The following PKNOX2 variants were observed in gnomAD, a reference collection of about 807,000 sequenced individuals.
PKNOX2 encodes the protein PBX/knotted 1 homeobox 2, also known as homeobox protein PKNOX2.
In PKNOX2, 14 loss-of-function variants were observed where a neutral mutation model predicts 53.1. The ratio of observed to expected loss-of-function variants is 0.26; its 90% CI spans 0.17 to 0.41. PKNOX2 has a LOEUF of 0.41. Ranked by LOEUF, PKNOX2 falls within the 10% of genes least tolerant of loss-of-function variation. The pLI, the probability that PKNOX2 is intolerant of heterozygous loss-of-function variation, is 1.00. For synonymous variants in PKNOX2, 257 were observed against 242.8 expected, an observed-to-expected ratio of 1.06 and a Z score of -0.54; for missense variants, 496 against 602.8, an observed-to-expected ratio of 0.82 and a Z score of 1.85.
At chr11:125,411,366 T>C in intron 9 of PKNOX2, 1 of 371,266 alleles carries the variant, frequency 2.7e-6, no homozygotes, top group Non-Finnish European at 5.2e-6. Flanking sequence ...CTTTGCAAAC[T>C]GTAAAGTACC....
chr11:125,360,535 C>T (rs1449691075), intron 4 of PKNOX2, among the ~76,000 whole-genome samples: 1 of 152,212 alleles, frequency 6.6e-6, no homozygotes, highest in Non-Finnish European at 1.5e-5. Context: ...GCATGCCACT[C>T]AATTCCAAGC....
chr11:125,382,083 G>A (rs1360922967), intron 5 of PKNOX2, among the ~76,000 whole-genome samples: 1 of 152,194 alleles, frequency 6.6e-6, no homozygotes, highest in Non-Finnish European at 1.5e-5. Context: ...TGTGTACACA[G>A]AACACACCAT....
At chr11:125,391,864 G>T (rs933996824) in intron 6 of PKNOX2, among the ~76,000 whole-genome samples, 1 of 152,150 alleles carries the variant, frequency 6.6e-6, no homozygotes, top group Non-Finnish European at 1.5e-5. Context: ...CACATTTGGC[G>T]GTGATGTTGA....
chr11:125,389,040 C>A (rs890457061), intron 6 of PKNOX2, among the ~76,000 whole-genome samples: 4 of 152,122 alleles, frequency 2.6e-5, no homozygotes, highest in African/African-American at 9.7e-5. Context: ...ACTAAAGATA[C>A]AAAAATTAGC....
intron 3 of PKNOX2, among the ~76,000 whole-genome samples, chr11:125,346,618 G>C (rs1290054363): frequency 6.6e-6 from 1 of 152,212 alleles, no homozygotes; most frequent in Non-Finnish European, 1.5e-5. Context: ...CCCAGACAGA[G>C]GATGTGACTT....
intron 2 of PKNOX2, among the ~76,000 whole-genome samples, chr11:125,285,144 C>G (rs939627529): frequency 1.3e-5 from 2 of 152,094 alleles, no homozygotes; most frequent in Admixed American, 6.6e-5. Flanking sequence ...GAGACTTGCT[C>G]TTCTTATCCT....
chr11:125,230,260 A>C (rs1397409335), intron 1 of PKNOX2, among the ~76,000 whole-genome samples: 1 of 152,282 alleles, frequency 6.6e-6, no homozygotes. Context: ...AGTTAGCACT[A>C]GGTAATTATA....
intron 2 of PKNOX2, among the ~76,000 whole-genome samples, chr11:125,235,333 G>A (rs962357574): frequency 1.3e-5 from 2 of 152,220 alleles, no homozygotes; most frequent in Non-Finnish European, 2.9e-5. Context: ...AGACTATATT[G>A]ATTGTGCATT....
intron 2 of PKNOX2, among the ~76,000 whole-genome samples, chr11:125,279,995 A>G (rs976890450): frequency 6.7e-6 from 1 of 149,650 alleles, no homozygotes; most frequent in Admixed American, 6.6e-5. Context: ...TATATTAAAT[A>G]TATATATTTT....
At chr11:125,430,725 C>A (rs1591571173) in intron 12 of PKNOX2, among the ~76,000 whole-genome samples, 1 of 150,476 alleles carries the variant, frequency 6.6e-6, no homozygotes. Context: ...GCACAGGTTC[C>A]TTTGTGATGA....
At chr11:125,355,664 CT>C (rs2136221693) in intron 4 of PKNOX2, among the ~76,000 whole-genome samples, 1 of 152,258 alleles carries the variant, frequency 6.6e-6, no homozygotes, top group South Asian at 2.1e-4. Flanking sequence ...GTCAGCTGGA[CT>C]TTCACAGCCC....
At chr11:125,289,465 A>C (rs1387672951) in intron 2 of PKNOX2, among the ~76,000 whole-genome samples, 1 of 152,218 alleles carries the variant, frequency 6.6e-6, no homozygotes, top group Non-Finnish European at 1.5e-5. Flanking sequence ...AATGAGGATC[A>C]AGTGAGAACA....
intron 4 of PKNOX2, among the ~76,000 whole-genome samples, chr11:125,365,577 C>T (rs752481232): frequency 2.6e-5 from 4 of 152,160 alleles, no homozygotes; most frequent in Admixed American, 6.5e-5. Flanking sequence ...CCCTGTTTCA[C>T]GGCATTCATA....
chr11:125,351,277 C>T lies in PKNOX2; in HGVS notation c.-22-7C>T, dbSNP rs1360289811. ...TAACGGTGCGGCCCCCTTTCTCCTG[C>T]CCACAGGTCCTCCATGTGAATCAAT... On this transcript the variant is annotated splice_polypyrimidine_tract_variant and splice_region_variant and intron_variant, in intron 3 of 12. Coordinates refer to ENST00000298282, the MANE Select transcript of PKNOX2 (RefSeq NM_001382323.2). 7.4e-7 allele frequency: 1 copy of T among 1,360,212 alleles called. No homozygotes were observed. Among genetic ancestry groups the T allele is most frequent in the Non-Finnish European group, 1.0e-6 (1 of 955,544 alleles). The allele number at this position is 1,360,212 out of a possible 1,614,324, so 84.3% of individuals were successfully genotyped here.
intron 10 of PKNOX2, among the ~76,000 whole-genome samples, chr11:125,424,163 T>A (rs78665220): frequency 0.015 from 2,221 of 152,140 alleles, 61 homozygotes; most frequent in African/African-American, 0.05. Context: ...GTATCCTATT[T>A]TTTTGACCTG....
chr11:125,339,257 G>A (rs1288411914), intron 3 of PKNOX2, among the ~76,000 whole-genome samples: 5 of 152,206 alleles, frequency 3.3e-5, no homozygotes, highest in Admixed American at 3.3e-4. Flanking sequence ...TGGCTCACTG[G>A]CTGCCCATTC....
At chr11:125,228,636 C>T (rs1045192087) in intron 1 of PKNOX2, among the ~76,000 whole-genome samples, 3 of 152,188 alleles carry the variant, frequency 2.0e-5, no homozygotes, top group South Asian at 4.2e-4. Context: ...TCATGTGAGC[C>T]GGAGTGGTAT....
At chr11:125,290,230 G>A (rs905108603) in intron 2 of PKNOX2, among the ~76,000 whole-genome samples, 2 of 152,214 alleles carry the variant, frequency 1.3e-5, no homozygotes, top group Non-Finnish European at 2.9e-5. Context: ...AGGTGTTGCA[G>A]CATGCTAATT....
At chr11:125,214,844 C>T (rs966063675) in intron 1 of PKNOX2, among the ~76,000 whole-genome samples, 1 of 152,008 alleles carries the variant, frequency 6.6e-6, no homozygotes, top group Non-Finnish European at 1.5e-5. Flanking sequence ...TCTGTCCACT[C>T]CGAGAACCCC....
Sources: gnomAD v4.1 joint callset for allele counts (sites outside exome capture counted in the v4.1 genomes callset) on GRCh38, gnomAD v4.1.1 for gene constraint, MANE v1.5 for transcripts, NCBI Gene and HGNC (gene_info 2026-07-23, HGNC 2026-07-21) for gene names.